MDGA2: variants seen among roughly 807,000 people sequenced by gnomAD.
The protein encoded by MDGA2 is MAM domain-containing glycosylphosphatidylinositol anchor protein 2.
A neutral mutation model predicts 117.8 loss-of-function variants in MDGA2; 40 were observed. That is an observed-to-expected ratio of 0.34 (90% CI 0.26 to 0.44). The LOEUF (loss-of-function observed/expected upper bound fraction) is 0.44, where lower values mean the gene tolerates loss of function less well. MDGA2 is among the 20% of genes least tolerant of loss of function. MDGA2 has a pLI of 1.00. For missense variants in MDGA2, 1,123 were observed against 1,250.6 expected, an observed-to-expected ratio of 0.90 and a Z score of 1.54; for synonymous variants, 452 against 439.0, an observed-to-expected ratio of 1.03 and a Z score of -0.37.
intron 1 of MDGA2, among the ~76,000 whole-genome samples, chr14:47,460,868 C>T (rs1477784914): frequency 6.6e-6 from 1 of 152,110 alleles, no homozygotes; most frequent in Non-Finnish European, 1.5e-5. Context: ...GCAGACAGCT[C>T]AAGCCTGAGA....
At chr14:47,033,087 A>G (rs755559766) in intron 8 of MDGA2, among the ~76,000 whole-genome samples, 1 of 152,206 alleles carries the variant, frequency 6.6e-6, no homozygotes, top group African/African-American at 2.4e-5. Flanking sequence ...CATCCCTGTC[A>G]CACTAGAGAC....
intron 3 of MDGA2, among the ~76,000 whole-genome samples, chr14:47,208,660 C>G (rs1188063576): frequency 6.6e-6 from 1 of 151,706 alleles, no homozygotes; most frequent in Non-Finnish European, 1.5e-5. Context: ...ATGCCAATGT[C>G]CATTCTCTGG....
chr14:47,144,221 G>C lies in MDGA2; in HGVS notation c.649C>G (p.Gln217Glu), dbSNP rs1882843606. 6.4e-7 allele frequency: 1 copy of C among 1,551,018 alleles called. No individual in the cohort carries two copies. Among genetic ancestry groups the C allele is most frequent in the African/African-American group, 1.4e-5 (1 of 72,978 alleles). The change falls in exon 4 of 17, where the codon CAA becomes GAA. Residue 217 changes from glutamine (Q) to glutamate (E), a missense_variant. Gln to Glu is a conservative substitution (Grantham distance 29). This residue lies in a region of MDGA2 where 890 missense variants were observed against 1,050.3 expected (regional missense o/e 0.85). Coordinates refer to ENST00000399232, the MANE Select transcript of MDGA2 (RefSeq NM_001113498.3). ...AACACTGTTCTCTCATAGTAAAATT[G>C]TTCTTTAGCTTCACCTATACTTTGA... ...VHQSIGEAKE[Q>E]FYYERTVFLR... is the part of the protein sequence containing the mutation.
At chr14:46,978,992 T>C (rs1224629496) in intron 8 of MDGA2, among the ~76,000 whole-genome samples, 1 of 152,140 alleles carries the variant, frequency 6.6e-6, no homozygotes, top group Non-Finnish European at 1.5e-5. Flanking sequence ...TCACAGACAA[T>C]GAATTTTTTA....
intron 2 of MDGA2, among the ~76,000 whole-genome samples, chr14:47,260,194 A>G (rs944160333): frequency 8.5e-5 from 13 of 152,142 alleles, no homozygotes; most frequent in African/African-American, 2.9e-4. Context: ...TACAAAGTCC[A>G]GATGAGAGCA....
intron 2 of MDGA2, among the ~76,000 whole-genome samples, 157 bp downstream of exon 2, chr14:47,301,254 A>G (rs903211343): frequency 4.0e-5 from 6 of 150,736 alleles, no homozygotes; most frequent in Non-Finnish European, 7.4e-5. Flanking sequence ...CGTTGCACAT[A>G]TACTTGCACT....
intron 10 of MDGA2, among the ~76,000 whole-genome samples, chr14:46,918,647 T>C (rs1388628316): frequency 1.3e-5 from 2 of 152,072 alleles, no homozygotes; most frequent in Non-Finnish European, 2.9e-5. Context: ...TGTGTGCACT[T>C]AGAGAAGAAT....
chr14:47,516,804 G>A (rs549028266), intron 1 of MDGA2, among the ~76,000 whole-genome samples: 2 of 152,266 alleles, frequency 1.3e-5, no homozygotes, highest in African/African-American at 4.8e-5. Context: ...TTGCAGATAC[G>A]CAGGCAGAAT....
At chr14:47,669,491 C>G (rs944258534) in intron 1 of MDGA2, among the ~76,000 whole-genome samples, 1 of 152,138 alleles carries the variant, frequency 6.6e-6, no homozygotes, top group African/African-American at 2.4e-5. Context: ...AAATATAGGA[C>G]ATGAGCAAGT....
intron 1 of MDGA2, among the ~76,000 whole-genome samples, chr14:47,637,200 G>A (rs1483481701): frequency 6.6e-6 from 1 of 152,144 alleles, no homozygotes. Context: ...ATATGAAGTG[G>A]AATGAGTTGA....
At position 47,082,914 on chromosome 14, in the gene MDGA2, A is replaced by T. The variant is rs532870765; in HGVS notation, c.1195+13940T>A. 6.6e-5 allele frequency among the ~76,000 whole-genome samples: 10 copies of T among 152,142 alleles called. No individual in the cohort carries two copies. In the South Asian group the frequency reaches 1.7e-3, roughly 25 times the overall value. Reference sequence around the variant, plus strand: ...TCAAATGTAAAGTTTACAATGAAAAAAAATTAAATAAGTGAAATGAAGAAT... The same window carrying T: ...TCAAATGTAAAGTTTACAATGAAAATAAATTAAATAAGTGAAATGAAGAAT... On this transcript the variant is annotated intron_variant, in intron 6 of 16. Coordinates refer to ENST00000399232, the MANE Select transcript of MDGA2 (RefSeq NM_001113498.3).
chr14:47,401,948 A>C (rs1313766084), intron 1 of MDGA2, among the ~76,000 whole-genome samples: 2 of 152,206 alleles, frequency 1.3e-5, no homozygotes, highest in African/African-American at 2.4e-5. Flanking sequence ...GCCTCGTAAC[A>C]AGTAAAGCTT....
At chr14:46,930,492 C>T (rs1380304395) in intron 9 of MDGA2, among the ~76,000 whole-genome samples, 1 of 152,036 alleles carries the variant, frequency 6.6e-6, no homozygotes, top group Non-Finnish European at 1.5e-5. Context: ...AAATCACAAA[C>T]TTAAAAACCC....
chr14:46,905,006 C>T (rs962665917), intron 10 of MDGA2, among the ~76,000 whole-genome samples: 10 of 152,162 alleles, frequency 6.6e-5, no homozygotes, highest in Non-Finnish European at 1.2e-4. Context: ...AAGTCACATT[C>T]TATTAAAACA....
chr14:47,227,898 T>C (rs1886563428), intron 2 of MDGA2, among the ~76,000 whole-genome samples: 2 of 152,202 alleles, frequency 1.3e-5, no homozygotes, highest in Non-Finnish European at 2.9e-5. Flanking sequence ...ATACCATTTA[T>C]GTAATGATGG....
chr14:47,525,116 C>T (rs976167817), intron 1 of MDGA2, among the ~76,000 whole-genome samples: 1 of 152,146 alleles, frequency 6.6e-6, no homozygotes, highest in African/African-American at 2.4e-5. Flanking sequence ...CAAATTGCTT[C>T]CTTGCAGCTT....
intron 2 of MDGA2, among the ~76,000 whole-genome samples, chr14:47,280,430 A>G (rs1888449202): frequency 6.6e-6 from 1 of 151,876 alleles, no homozygotes; most frequent in Non-Finnish European, 1.5e-5. Flanking sequence ...ATATTGTATA[A>G]CCCACGTTAT....
chr14:47,362,941 G>A (rs1173338757), intron 1 of MDGA2, among the ~76,000 whole-genome samples: 1 of 152,138 alleles, frequency 6.6e-6, no homozygotes, highest in African/African-American at 2.4e-5. Context: ...GTTTTGAATT[G>A]AATATATGCA....
intron 2 of MDGA2, among the ~76,000 whole-genome samples, chr14:47,256,385 C>T (rs61405707): frequency 4.7e-4 from 71 of 152,246 alleles, no homozygotes; most frequent in African/African-American, 1.6e-3. Flanking sequence ...AATTTATCCA[C>T]GAGTGACACT....
Sources: allele counts gnomAD v4.1 joint callset (sites outside exome capture counted in the v4.1 genomes callset), GRCh38; gene constraint gnomAD v4.1.1; regional missense constraint gnomAD v4.1.1; transcripts MANE v1.5; gene names NCBI Gene and HGNC (gene_info 2026-07-23, HGNC 2026-07-21).